The following CHL1 variants were observed in gnomAD, a reference collection of about 807,000 sequenced individuals.
The protein encoded by CHL1 is neural cell adhesion molecule L1-like protein.
A neutral mutation model predicts 141.9 loss-of-function variants in CHL1; 96 were observed. That is an observed-to-expected ratio of 0.68 (90% CI 0.57 to 0.80). The LOEUF is 0.80. Among genes scored for constraint, CHL1 ranks in the 30% least tolerant of loss-of-function variants. The pLI, the probability that CHL1 is intolerant of heterozygous loss-of-function variation, is 0.00. For synonymous variants in CHL1, 613 were observed against 502.2 expected, an observed-to-expected ratio of 1.22 and a Z score of -2.95; for missense variants, 1,820 against 1,457.2, an observed-to-expected ratio of 1.25 and a Z score of -4.05.
chr3:235,929 C>T (rs535829818), intron 1 of CHL1, among the ~76,000 whole-genome samples: 2 of 152,124 alleles, frequency 1.3e-5, no homozygotes, highest in Non-Finnish European at 2.9e-5. Flanking sequence ...CAGAAGAGGG[C>T]CTCTGGCTTC....
chr3:378,303 T>C (rs979298699), intron 16 of CHL1, among the ~76,000 whole-genome samples: 2 of 152,048 alleles, frequency 1.3e-5, no homozygotes, highest in African/African-American at 4.8e-5. Context: ...GACTGGAGGA[T>C]CTCGATAGGG....
intron 3 of CHL1, among the ~76,000 whole-genome samples, chr3:322,666 A>G (rs1366186325): frequency 2.3e-5 from 3 of 132,736 alleles, no homozygotes; most frequent in African/African-American, 9.1e-5. Flanking sequence ...ATATATATAT[A>G]TATAATTATA....
At chr3:346,313 G>A (rs1276619373) in intron 9 of CHL1, among the ~76,000 whole-genome samples, 1 of 152,150 alleles carries the variant, frequency 6.6e-6, no homozygotes, top group African/African-American at 2.4e-5. Flanking sequence ...TTTGGTCTGT[G>A]TATTATTTTA....
At chr3:375,587 C>T (rs1050803012) in intron 15 of CHL1, among the ~76,000 whole-genome samples, 2 of 151,582 alleles carry the variant, frequency 1.3e-5, no homozygotes, top group Non-Finnish European at 2.9e-5. Context: ...GAGTTGGGGA[C>T]ATTAAAACAC....
intron 2 of CHL1, among the ~76,000 whole-genome samples, chr3:313,832 G>A (rs2125000451): frequency 1.3e-5 from 2 of 152,232 alleles, no homozygotes; most frequent in African/African-American, 4.8e-5. Context: ...AAAATGAACA[G>A]GCATCATGTA....
chr3:394,696 A>G lies in CHL1; in HGVS notation c.2918A>G (p.Asn973Ser). 1 of 1,602,636 alleles carries G rather than the reference A, an allele frequency of 6.2e-7. No individual in the cohort carries two copies. Among genetic ancestry groups the G allele is most frequent in the Non-Finnish European group, 8.5e-7 (1 of 1,175,098 alleles). ...TGYLLQYQII[N>S]DTYEIGELND... Reference sequence around the variant, plus strand: ...TTGTTCATGTTTATTTTTTTAGTAAATGACACCTACGAGATTGGAGAATTA... The same window carrying G: ...TTGTTCATGTTTATTTTTTTAGTAAGTGACACCTACGAGATTGGAGAATTA... The change falls in exon 24 of 28, where the codon AAT becomes AGT. Residue 973 changes from asparagine (N) to serine (S), a missense_variant. Coordinates refer to ENST00000256509, the MANE Select transcript of CHL1 (RefSeq NM_006614.4).
chr3:388,430 C>A (rs1707936872), intron 19 of CHL1, among the ~76,000 whole-genome samples: 1 of 151,786 alleles, frequency 6.6e-6, no homozygotes. Context: ...GCCTGTAATC[C>A]CAGCTACTCA....
intron 1 of CHL1, among the ~76,000 whole-genome samples, chr3:243,672 G>C (rs771541097): frequency 3.9e-5 from 6 of 152,134 alleles, no homozygotes; most frequent in Non-Finnish European, 7.4e-5. Flanking sequence ...AGGCCAAAAA[G>C]ATTGTCAAAT....
Position 391,168 on chromosome 3 carries a change from A to G in CHL1, c.2791+9A>G, listed in dbSNP as rs770143741. 5.7e-6 allele frequency: 9 copies of G among 1,592,464 alleles called. No individual in the cohort carries two copies. Among genetic ancestry groups the G allele is most frequent in the Non-Finnish European group, 7.8e-6 (9 of 1,160,686 alleles). On this transcript the variant is annotated intron_variant, in intron 22 of 27. Coordinates refer to ENST00000256509, the MANE Select transcript of CHL1 (RefSeq NM_006614.4). ...TCAAACACCAGAAGGAGGTGAGAGG[A>G]TAATGATGTAGAGTCATGTCAAAAA...
intron 1 of CHL1, among the ~76,000 whole-genome samples, chr3:200,109 C>T (rs921823253): frequency 6.6e-6 from 1 of 152,262 alleles, no homozygotes; most frequent in African/African-American, 2.4e-5. Flanking sequence ...CATATTGTTT[C>T]CCAGGAGCTT....
In CHL1 at chr3:383,805, T is replaced by C. The variant is rs574782287; in HGVS notation, c.2177-11T>C. ...AAAGGAAAAATAATGTTAATGTTTT[T>C]AATTTTTCAGCTCCAGATAGGAATC... On this transcript the variant is annotated splice_polypyrimidine_tract_variant and intron_variant, in intron 18 of 27. Coordinates refer to ENST00000256509, the MANE Select transcript of CHL1 (RefSeq NM_006614.4). The C allele has an allele frequency of 8.1e-6, 13 of 1,603,830 alleles. No individual in the cohort carries two copies. The highest frequency in any genetic ancestry group is 1.7e-5 in the Admixed American group (1 of 59,910).
chr3:305,437 C>T (rs1275865160), intron 2 of CHL1, among the ~76,000 whole-genome samples: 1 of 151,960 alleles, frequency 6.6e-6, no homozygotes, highest in Non-Finnish European at 1.5e-5. Context: ...GCTTGCATTA[C>T]TGATAGTGAC....
rs73814170 is a variant in CHL1 at position 202,377 on chromosome 3, A to G, written c.-175+5314A>G. Among the ~76,000 whole-genome samples the G allele has an allele frequency of 6.0e-3, 910 of 152,326 alleles. 5 individuals carry two copies. The highest frequency in any genetic ancestry group is 0.021 in the African/African-American group (853 of 41,570). ...GAGCCATGATCAATGGTGGTGTCAA[A>G]TGGCAAACTGTTGATTCCTACATTA... On this transcript the variant is annotated intron_variant, in intron 1 of 27. Transcript: ENST00000256509.
intron 1 of CHL1, among the ~76,000 whole-genome samples, chr3:222,878 GT>G (rs1224696193): frequency 6.6e-6 from 1 of 152,076 alleles, no homozygotes; most frequent in Non-Finnish European, 1.5e-5. Flanking sequence ...AATTCTCTGT[GT>G]TTTTTTAGTG....
chr3:234,434 C>A (rs1427540427), intron 1 of CHL1, among the ~76,000 whole-genome samples: 1 of 152,046 alleles, frequency 6.6e-6, no homozygotes, highest in Admixed American at 6.6e-5. Flanking sequence ...AGGTTCACTG[C>A]AGCATGAGAC....
intron 1 of CHL1, among the ~76,000 whole-genome samples, chr3:242,467 G>GCACA (rs1692727378): frequency 1.3e-5 from 2 of 148,942 alleles, no homozygotes; most frequent in Admixed American, 1.4e-4. Flanking sequence ...GTGGTGGTGG[G>GCACA]CGCCTGTAGT....
intron 16 of CHL1, 152 bp downstream of exon 16, chr3:378,094 C>A (rs1224829701): frequency 3.5e-6 from 2 of 565,738 alleles, no homozygotes; most frequent in Admixed American, 3.9e-5. Flanking sequence ...AACTTCAAAT[C>A]CTTTCTCCTT....
At chr3:356,958 A>G (rs1703775221) in intron 11 of CHL1, among the ~76,000 whole-genome samples, 1 of 152,192 alleles carries the variant, frequency 6.6e-6, no homozygotes, top group South Asian at 2.1e-4. Flanking sequence ...TGAATGGAGA[A>G]TGGACTGTGT....
intron 2 of CHL1, among the ~76,000 whole-genome samples, chr3:285,186 C>T (rs895662375): frequency 6.6e-6 from 1 of 152,166 alleles, no homozygotes; most frequent in Non-Finnish European, 1.5e-5. Flanking sequence ...CAAGTCAAAA[C>T]TGGAATTGCA....
Sources: gnomAD v4.1 joint callset for allele counts (sites outside exome capture counted in the v4.1 genomes callset) on GRCh38, gnomAD v4.1.1 for gene constraint, MANE v1.5 for transcripts, NCBI Gene and HGNC (gene_info 2026-07-23, HGNC 2026-07-21) for gene names.